Variants in KDM6A observed in about 807,000 individuals in gnomAD.
KDM6A encodes the protein lysine-specific demethylase 6A.
KDM6A carries 11 observed loss-of-function variants against 117.6 expected under a neutral mutation model. The ratio of observed to expected loss-of-function variants is 0.09; its 90% CI spans 0.06 to 0.15. KDM6A has a LOEUF of 0.15. Among genes scored for constraint, KDM6A ranks in the 10% least tolerant of loss-of-function variants. The pLI is 1.00. For missense variants in KDM6A, 799 were observed against 1,077.3 expected (o/e 0.74, Z 3.62); for synonymous variants, 384 against 396.1 (o/e 0.97, Z 0.36).
chrX:45,000,768 G>A (rs2041104299), intron 4 of KDM6A, among the ~76,000 whole-genome samples: 1 of 112,624 alleles, frequency 8.9e-6, no homozygotes, highest in African/African-American at 3.2e-5. Context: ...GACCCGCAGG[G>A]TGCCGGACTT....
intron 2 of KDM6A, among the ~76,000 whole-genome samples, chrX:44,948,269 T>C (rs889546754): frequency 8.9e-6 from 1 of 111,929 alleles, no homozygotes; most frequent in Admixed American, 9.5e-5. Context: ...TCCTGGCTGT[T>C]TTATGCCTGG....
chrX:44,950,529 C>T (rs2037928937), intron 2 of KDM6A, among the ~76,000 whole-genome samples: 1 of 111,631 alleles, frequency 9.0e-6, no homozygotes, highest in African/African-American at 3.3e-5. Context: ...TGGAAAATAA[C>T]TCAGCTGTTG....
chrX:45,061,115 G>C (rs1050711208), intron 14 of KDM6A, among the ~76,000 whole-genome samples: 2 of 110,477 alleles, frequency 1.8e-5, no homozygotes, highest in African/African-American at 6.6e-5. Context: ...CTTTTTGGGT[G>C]GCTTATTAAA....
At chrX:44,954,196 G>C (rs1019993972) in intron 2 of KDM6A, among the ~76,000 whole-genome samples, 4 of 109,996 alleles carry the variant, frequency 3.6e-5, no homozygotes, top group African/African-American at 1.3e-4. Context: ...ATTCTTAAGT[G>C]TATTTATGGT....
chrX:44,950,279 G>T (rs942833028), intron 2 of KDM6A, among the ~76,000 whole-genome samples: 1 of 111,551 alleles, frequency 9.0e-6, no homozygotes, highest in African/African-American at 3.3e-5. Context: ...CTCCCAAAGT[G>T]CTGGGATTAC....
chrX:45,004,657 C>T (rs776103448), intron 4 of KDM6A, among the ~76,000 whole-genome samples: 3 of 110,871 alleles, frequency 2.7e-5, no homozygotes, highest in Admixed American at 9.6e-5. Flanking sequence ...ATTTCGGGTT[C>T]GGGGTACTGA....
At chrX:44,981,512 C>G (rs1316534396) in intron 4 of KDM6A, among the ~76,000 whole-genome samples, 1 of 111,728 alleles carries the variant, frequency 9.0e-6, no homozygotes, top group Non-Finnish European at 1.9e-5. Flanking sequence ...AAACCCTGTC[C>G]TTTTGGGTTT....
chrX:45,018,326 A>G (rs1446982058), intron 5 of KDM6A, among the ~76,000 whole-genome samples: 3 of 111,634 alleles, frequency 2.7e-5, no homozygotes, highest in Admixed American at 1.9e-4. Context: ...GATTATATAT[A>G]TATAGGTTGC....
At chrX:45,073,025 C>T (rs1442847901) in intron 18 of KDM6A, among the ~76,000 whole-genome samples, 2 of 109,680 alleles carry the variant, frequency 1.8e-5, no homozygotes, top group Non-Finnish European at 3.8e-5. Context: ...CTCCCCCTGC[C>T]TTCCACCCCA....
chrX:44,873,865 A>AC lies in KDM6A; in HGVS notation c.162-59_162-58insC. ...CTCCGCTGGGGCCTCGGGCTCGGGCAGGGACGGGTCGGTGGCGTTCCCTGA... is the reference window on the plus strand; with the variant it reads ...CTCCGCTGGGGCCTCGGGCTCGGGCACGGGACGGGTCGGTGGCGTTCCCTGA... On this transcript the variant is annotated intron_variant, in intron 1 of 29. Coordinates refer to ENST00000611820, the MANE Select transcript of KDM6A (RefSeq NM_001291415.2). The AC allele has an allele frequency of 4.3e-6, 5 of 1,175,251 alleles. No individual in the cohort carries two copies. In the East Asian group the frequency reaches 1.5e-4, roughly 35 times the overall value.
intron 5 of KDM6A, among the ~76,000 whole-genome samples, chrX:45,015,286 AT>A (rs922763698): frequency 9.3e-6 from 1 of 107,160 alleles, no homozygotes; most frequent in Non-Finnish European, 1.9e-5. Flanking sequence ...AATTTTTTGT[AT>A]TTTTTTTTGT....
rs749994241 is a variant in KDM6A at position 45,027,138 on chromosome X, GAC to G, written c.564+6423_564+6424del. Among the ~76,000 whole-genome samples the G allele has an allele frequency of 7.0e-3, 752 of 106,715 alleles. 7 individuals carry two copies. The highest frequency in any genetic ancestry group is 0.048 in the South Asian group (112 of 2,350). 92.7% of individuals were successfully genotyped at this position (106,715 alleles called of 115,157 possible). The stretch of plus-strand genomic sequence containing the variant: ...ATCTTGGGCAACATAGTGAGAGAGA[GAC>G]ACACACACACACACGTTTGTTAGTT... On this transcript the variant is annotated intron_variant, in intron 6 of 29. Coordinates refer to ENST00000611820, the MANE Select transcript of KDM6A (RefSeq NM_001291415.2).
At chrX:45,060,865 G>T (rs1448257086) in intron 14 of KDM6A, 101 bp downstream of exon 14, 1 of 505,543 alleles carries the variant, frequency 2.0e-6, no homozygotes, top group Admixed American at 4.7e-5. Context: ...TTTTAAATTT[G>T]TGGACATCAA....
chrX:45,018,355 A>C (rs1235342042), intron 5 of KDM6A, among the ~76,000 whole-genome samples: 1 of 111,835 alleles, frequency 8.9e-6, no homozygotes, highest in African/African-American at 3.3e-5. Flanking sequence ...CTGGGCACTT[A>C]ATAGTCCCTA....
intron 2 of KDM6A, among the ~76,000 whole-genome samples, chrX:44,918,287 G>T (rs770606463): frequency 6.3e-5 from 7 of 111,691 alleles, no homozygotes; most frequent in African/African-American, 2.0e-4. Context: ...TTAGAATTAT[G>T]ACAGCTCAAG....
intron 2 of KDM6A, among the ~76,000 whole-genome samples, chrX:44,920,529 C>T (rs896674728): frequency 2.7e-5 from 3 of 110,043 alleles, no homozygotes; most frequent in Non-Finnish European, 3.8e-5. Flanking sequence ...AGCTCCGCCT[C>T]CCGGGTTCAC....
intron 2 of KDM6A, among the ~76,000 whole-genome samples, chrX:44,958,457 C>T (rs938772255): frequency 2.7e-5 from 3 of 110,314 alleles, no homozygotes; most frequent in East Asian, 2.8e-4. Context: ...GCTGGGATTA[C>T]AGGCATGAGC....
At chrX:44,895,302 A>G (rs1170978624) in intron 2 of KDM6A, among the ~76,000 whole-genome samples, 1 of 105,723 alleles carries the variant, frequency 9.5e-6, no homozygotes, top group South Asian at 4.1e-4. Flanking sequence ...TTTAGTAGAG[A>G]TGGGGTTTCA....
At position 44,953,320 on chromosome X, in the gene KDM6A, G is replaced by C. The variant is rs921682639; in HGVS notation, c.226-7964G>C. The stretch of plus-strand genomic sequence containing the variant: ...CAGAGGAGGGGATGAAGTGGAGCCT[G>C]TCTTTCCCTTATATTCCATTGGGCA... On this transcript the variant is annotated intron_variant, in intron 2 of 29. Transcript: ENST00000611820. Among the ~76,000 whole-genome samples, 6 of 111,117 alleles carry C rather than the reference G, an allele frequency of 5.4e-5. No homozygotes were observed. The East Asian group carries it at 8.5e-4, about 16-fold the overall frequency.
Sources: allele counts gnomAD v4.1 joint callset (sites outside exome capture counted in the v4.1 genomes callset), GRCh38; gene constraint gnomAD v4.1.1; transcripts MANE v1.5; gene names NCBI Gene and HGNC (gene_info 2026-07-23, HGNC 2026-07-21).